Variants in DEPTOR observed in about 807,000 individuals in gnomAD.
DEPTOR encodes the protein DEP domain containing MTOR interacting protein.
Under a neutral mutation model 41.6 loss-of-function variants are expected in DEPTOR, and 41 were observed. The ratio of observed to expected loss-of-function variants is 0.98; its 90% CI spans 0.77 to 1.28. The LOEUF (loss-of-function observed/expected upper bound fraction) is 1.28. Among genes scored for constraint, DEPTOR ranks in the 50% most tolerant of loss-of-function variants. The pLI is 0.00. For synonymous variants in DEPTOR, 195 were observed against 192.3 expected (o/e 1.01, Z -0.12); for missense variants, 514 against 527.9 (o/e 0.97, Z 0.26).
chr8:120,001,507 T>C lies in DEPTOR; in HGVS notation c.605-18T>C, dbSNP rs767260613. ...ATGCCAGATAGTCCTCATTGGTTGT[T>C]TTTTTTTTTCTCCCCAGTGTCCAAC... On this transcript the variant is annotated intron_variant, in intron 4 of 8. Transcript: ENST00000286234. 14 of 1,566,240 alleles carry C rather than the reference T, an allele frequency of 8.9e-6. No homozygotes were observed. Among genetic ancestry groups the C allele is most frequent in the Non-Finnish European group, 1.1e-5 (13 of 1,154,050 alleles).
chr8:120,012,072 A>G (rs1051708498), intron 8 of DEPTOR, among the ~76,000 whole-genome samples: 12 of 151,768 alleles, frequency 7.9e-5, no homozygotes, highest in South Asian at 6.3e-4. Flanking sequence ...TGGCAGGAGG[A>G]AAAAAAAACC....
intron 1 of DEPTOR, among the ~76,000 whole-genome samples, chr8:119,880,254 C>T (rs1827282833): frequency 6.6e-6 from 1 of 152,100 alleles, no homozygotes; most frequent in South Asian, 2.1e-4. Flanking sequence ...AACAATAACA[C>T]TTACATGGCA....
intron 1 of DEPTOR, among the ~76,000 whole-genome samples, chr8:119,901,044 A>G (rs141223812): frequency 4.6e-5 from 7 of 152,296 alleles, no homozygotes; most frequent in Admixed American, 2.6e-4. Flanking sequence ...TTTCAAAAGT[A>G]GGAAGACTCA....
rs374174744 is a variant in DEPTOR at position 120,029,658 on chromosome 8, A to G, written c.1102-19918A>G. 3.4e-3 allele frequency among the ~76,000 whole-genome samples: 523 copies of G among 152,296 alleles called. 1 individual carries two copies. The highest frequency in any genetic ancestry group is 0.011 in the African/African-American group (476 of 41,574). ...TGATCCACCCACCTCGGCCTCCCAA[A>G]GTGCTGGGATTACAGGCGTGAGCCA... On this transcript the variant is annotated intron_variant, in intron 8 of 8. Transcript: ENST00000286234.
At chr8:119,948,233 G>A (rs912835170) in intron 3 of DEPTOR, among the ~76,000 whole-genome samples, 1 of 151,988 alleles carries the variant, frequency 6.6e-6, no homozygotes, top group Non-Finnish European at 1.5e-5. Flanking sequence ...GCATATCCTG[G>A]GAGACAGATG....
intron 3 of DEPTOR, among the ~76,000 whole-genome samples, chr8:119,934,584 G>A (rs1828086082): frequency 6.6e-6 from 1 of 152,202 alleles, no homozygotes; most frequent in Non-Finnish European, 1.5e-5. Context: ...GCTGGAAAAG[G>A]CTGTTGGGAG....
At chr8:119,955,386 AC>A (rs1563975313) in intron 3 of DEPTOR, among the ~76,000 whole-genome samples, 2 of 142,092 alleles carry the variant, frequency 1.4e-5, no homozygotes, top group South Asian at 2.2e-4. Flanking sequence ...CTTGCTACTT[AC>A]GTTTTCTTTC....
Position 120,049,779 on chromosome 8 carries a change from A to T in DEPTOR, c.*75A>T. The T allele has an allele frequency of 1.3e-6, 2 of 1,573,282 alleles. No homozygotes were observed. The highest frequency in any genetic ancestry group is 3.5e-5 in the Admixed American group (2 of 57,028). On this transcript the variant is annotated 3_prime_UTR_variant, in exon 9 of 9. Transcript: ENST00000286234. The stretch of plus-strand genomic sequence containing the variant: ...AATGACACAAAGCAATGCAAAGACA[A>T]GATTGCCATGCAAATGGATGGTTTT...
intron 4 of DEPTOR, among the ~76,000 whole-genome samples, chr8:119,966,429 G>GA (rs1404791498): frequency 5.9e-5 from 9 of 152,210 alleles, no homozygotes; most frequent in African/African-American, 2.2e-4. Context: ...AGGGCCAAGA[G>GA]AACACTTTCC....
intron 8 of DEPTOR, among the ~76,000 whole-genome samples, chr8:120,033,155 T>C (rs1035090038): frequency 6.1e-5 from 9 of 147,396 alleles, no homozygotes; most frequent in African/African-American, 2.0e-4. Flanking sequence ...TGATGTGATT[T>C]CAACTTACTG....
intron 1 of DEPTOR, among the ~76,000 whole-genome samples, chr8:119,920,991 T>TTG (rs1563966048): frequency 4.6e-5 from 7 of 151,058 alleles, no homozygotes; most frequent in Non-Finnish European, 8.8e-5. Context: ...TTTTTTTTTT[T>TTG]TTTGAGACAG....
intron 1 of DEPTOR, among the ~76,000 whole-genome samples, chr8:119,893,240 A>G (rs1223794369): frequency 6.6e-6 from 1 of 152,198 alleles, no homozygotes. Flanking sequence ...TGCTTAATTA[A>G]CCAGGGGAAA....
chr8:119,950,442 G>A (rs143315567), intron 3 of DEPTOR, among the ~76,000 whole-genome samples: 2,641 of 151,968 alleles, frequency 0.017, 71 homozygotes, highest in African/African-American at 0.061. Context: ...TTGAGACGAA[G>A]TCTTGCTCTG....
chr8:120,030,884 G>T (rs1008377847), intron 8 of DEPTOR, among the ~76,000 whole-genome samples: 1 of 151,866 alleles, frequency 6.6e-6, no homozygotes, highest in Non-Finnish European at 1.5e-5. Context: ...CAACCTCCAG[G>T]TTCATCAGTT....
chr8:119,941,052 G>A (rs113168876), intron 3 of DEPTOR, among the ~76,000 whole-genome samples: 2,386 of 152,180 alleles, frequency 0.016, 65 homozygotes, highest in African/African-American at 0.055. Context: ...ACTGCTATGA[G>A]TGTACTTCGT....
intron 8 of DEPTOR, among the ~76,000 whole-genome samples, chr8:120,010,723 C>T (rs1812520350): frequency 6.6e-6 from 1 of 152,058 alleles, no homozygotes; most frequent in South Asian, 2.1e-4. Context: ...TTCCCTAACT[C>T]AGAGATGACT....
chr8:119,875,135 A>T (rs1827215259), intron 1 of DEPTOR, among the ~76,000 whole-genome samples: 1 of 152,208 alleles, frequency 6.6e-6, no homozygotes, highest in Admixed American at 6.5e-5. Flanking sequence ...AATTAAAGGG[A>T]ATAAAAACTT....
intron 8 of DEPTOR, among the ~76,000 whole-genome samples, chr8:120,033,040 G>C (rs1346637898): frequency 6.7e-6 from 1 of 149,078 alleles, no homozygotes; most frequent in African/African-American, 2.5e-5. Flanking sequence ...GAGAGCTTTT[G>C]GTGAGTATCA....
chr8:120,038,326 A>G (rs1043954926), intron 8 of DEPTOR, among the ~76,000 whole-genome samples: 1 of 148,354 alleles, frequency 6.7e-6, no homozygotes, highest in Non-Finnish European at 1.5e-5. Context: ...ATAGCCTGGC[A>G]CAAAGGCTCA....
Sources: allele counts gnomAD v4.1 joint callset (sites outside exome capture counted in the v4.1 genomes callset), GRCh38; gene constraint gnomAD v4.1.1; transcripts MANE v1.5; gene names NCBI Gene and HGNC (gene_info 2026-07-23, HGNC 2026-07-21).